Variants in ZNF423 observed in about 807,000 individuals in gnomAD.
ZNF423 encodes zinc finger protein 423.
In ZNF423, 12 loss-of-function variants were observed where a neutral mutation model predicts 95.8. The observed-to-expected ratio is 0.13, with a 90% CI of 0.08 to 0.20. The LOEUF (loss-of-function observed/expected upper bound fraction) is 0.20, where lower values mean the gene tolerates loss of function less well. Ranked by LOEUF, ZNF423 falls within the 10% of genes least tolerant of loss-of-function variation. The pLI is 1.00. For missense variants in ZNF423, 1,316 were observed against 1,737.1 expected (o/e 0.76, Z 4.31); for synonymous variants, 749 against 711.9 (o/e 1.05, Z -0.83).
At chr16:49,678,213 G>C (rs2031201298) in intron 3 of ZNF423, among the ~76,000 whole-genome samples, 1 of 151,332 alleles carries the variant, frequency 6.6e-6, no homozygotes, top group African/African-American at 2.5e-5. Context: ...CATTTTATTT[G>C]AATGTATGTG....
rs532637492 is a variant in ZNF423, at chr16:49,813,222, T to G, written c.41-23676A>C. Reference sequence around the variant, plus strand: ...ACCCTGGTGCCCTACAGGTCTACCTTGGTGACTCCAACCCCACAGCCCAGA... The same window carrying G: ...ACCCTGGTGCCCTACAGGTCTACCTGGGTGACTCCAACCCCACAGCCCAGA... On this transcript the variant is annotated intron_variant, in intron 1 of 7. Coordinates refer to ENST00000563137, the MANE Select transcript of ZNF423 (RefSeq NM_001379286.1). Among the ~76,000 whole-genome samples the G allele has an allele frequency of 8.6e-5, 13 of 152,000 alleles. No homozygotes were observed. In the South Asian group the frequency reaches 2.5e-3, roughly 29 times the overall value.
At chr16:49,706,656 T>C (rs1165474732) in intron 3 of ZNF423, among the ~76,000 whole-genome samples, 1 of 152,180 alleles carries the variant, frequency 6.6e-6, no homozygotes, top group Non-Finnish European at 1.5e-5. Context: ...CATCCATTCA[T>C]AAAAAATACA....
chr16:49,692,224 G>A (rs2031811401), intron 3 of ZNF423, among the ~76,000 whole-genome samples: 1 of 151,994 alleles, frequency 6.6e-6, no homozygotes, highest in Admixed American at 6.6e-5. Flanking sequence ...CAAAGTGCTG[G>A]GATGACAGGG....
chr16:49,626,505 C>T (rs999605746), intron 4 of ZNF423, among the ~76,000 whole-genome samples: 1 of 152,024 alleles, frequency 6.6e-6, no homozygotes, highest in Non-Finnish European at 1.5e-5. Context: ...CAAGGTGAAG[C>T]TTTAAGGGAG....
intron 7 of ZNF423, among the ~76,000 whole-genome samples, chr16:49,496,335 G>A (rs1446601161): frequency 6.6e-6 from 1 of 152,198 alleles, no homozygotes; most frequent in African/African-American, 2.4e-5. Context: ...AGTGTTGGAG[G>A]TGGGGCCTAG....
intron 5 of ZNF423, among the ~76,000 whole-genome samples, chr16:49,552,881 G>T (rs1207353482): frequency 6.6e-6 from 1 of 151,922 alleles, no homozygotes; most frequent in Non-Finnish European, 1.5e-5. Context: ...TCCAGGAGGG[G>T]ATGGGGATGC....
At chr16:49,545,958 C>T (rs1290044375) in intron 5 of ZNF423, among the ~76,000 whole-genome samples, 1 of 152,196 alleles carries the variant, frequency 6.6e-6, no homozygotes, top group African/African-American at 2.4e-5. Context: ...CTCTTAACCC[C>T]AGGGCTGTGC....
chr16:49,830,833 A>T (rs1378385330), intron 1 of ZNF423, among the ~76,000 whole-genome samples: 1 of 151,954 alleles, frequency 6.6e-6, no homozygotes, highest in Non-Finnish European at 1.5e-5. Flanking sequence ...ACTCCTCCAC[A>T]CTTCTCATCC....
At chr16:49,681,599 G>A (rs1182125628) in intron 3 of ZNF423, among the ~76,000 whole-genome samples, 1 of 152,184 alleles carries the variant, frequency 6.6e-6, no homozygotes, top group South Asian at 2.1e-4. Flanking sequence ...GTTTCACCAC[G>A]ATATCAGGGA....
At chr16:49,495,439 C>T (rs1036490994) in intron 7 of ZNF423, among the ~76,000 whole-genome samples, 4 of 152,066 alleles carry the variant, frequency 2.6e-5, no homozygotes, top group Admixed American at 1.3e-4. Flanking sequence ...CTGTGCAAAT[C>T]GTCAGCAGAG....
At chr16:49,796,409 C>T (rs1169422277) in intron 1 of ZNF423, among the ~76,000 whole-genome samples, 1 of 152,230 alleles carries the variant, frequency 6.6e-6, no homozygotes, top group Non-Finnish European at 1.5e-5. Context: ...GGCTCCCCAA[C>T]ACCTCACAGA....
intron 3 of ZNF423, among the ~76,000 whole-genome samples, chr16:49,708,723 C>T (rs1352032638): frequency 6.6e-6 from 1 of 152,190 alleles, no homozygotes; most frequent in Non-Finnish European, 1.5e-5. Context: ...GTACCTTCCC[C>T]TAGAAGCACT....
intron 3 of ZNF423, among the ~76,000 whole-genome samples, chr16:49,647,710 A>G (rs1159777861): frequency 6.6e-6 from 1 of 152,252 alleles, no homozygotes. Context: ...AGCATCCAGA[A>G]AGGAATGCGG....
At chr16:49,834,846 A>G (rs1208069858) in intron 1 of ZNF423, among the ~76,000 whole-genome samples, 1 of 151,838 alleles carries the variant, frequency 6.6e-6, no homozygotes, top group Non-Finnish European at 1.5e-5. Flanking sequence ...TCCCCCAGCA[A>G]CAGGGGACTA....
At chr16:49,514,824 C>T (rs1968067069) in intron 7 of ZNF423, among the ~76,000 whole-genome samples, 1 of 152,194 alleles carries the variant, frequency 6.6e-6, no homozygotes, top group South Asian at 2.1e-4. Context: ...AGTCAAGATT[C>T]CAGGGCGTGG....
rs747843197 is a variant in ZNF423, at chr16:49,638,270, G to T, written c.906C>A (p.Asp302Glu). ...CCTCAGGGCAGTGAATGCACTGCAG[G>T]TCCGCCTTCTCGGACAGCTGCGGGT... ...TRHPQLSEKA[D>E]LQCIHCPEVF... is the part of the protein sequence containing the mutation. The change falls in exon 4 of 8, where the codon GAC (aspartate) becomes GAA (glutamate). Residue 302 changes from aspartate to glutamate, a missense_variant. Around this residue, in one of 6 missense-constraint regions of ZNF423, gnomAD observed 399 missense variants for 478.5 expected, o/e 0.83. Transcript: ENST00000563137. This position sits in a 1 kb window ranked among gnomAD's most constrained non-coding sequence, Gnocchi z 5.6. 6.2e-7 allele frequency: 1 copy of T among 1,613,062 alleles called. No individual in the cohort carries two copies. The highest frequency in any genetic ancestry group is 1.1e-5 in the South Asian group (1 of 91,090).
intron 3 of ZNF423, among the ~76,000 whole-genome samples, chr16:49,723,682 T>A (rs151001652): frequency 6.6e-6 from 1 of 152,358 alleles, no homozygotes; most frequent in East Asian, 1.9e-4. Flanking sequence ...TTTCTTTTAG[T>A]ATTTTAAAGT....
intron 1 of ZNF423, among the ~76,000 whole-genome samples, chr16:49,802,181 C>T (rs570170164): frequency 4.6e-5 from 7 of 152,238 alleles, no homozygotes; most frequent in South Asian, 4.2e-4. Context: ...GATTTTACTT[C>T]GGCCTCCAAC....
At chr16:49,556,813 T>A (rs1056497152) in intron 5 of ZNF423, among the ~76,000 whole-genome samples, 3 of 152,268 alleles carry the variant, frequency 2.0e-5, no homozygotes, top group African/African-American at 7.2e-5. Flanking sequence ...ACATTTAAAC[T>A]ACTGTGCTTT....
Sources: gnomAD v4.1 joint callset for allele counts (sites outside exome capture counted in the v4.1 genomes callset) on GRCh38, gnomAD v4.1.1 for gene constraint, gnomAD v4.1.1 regional missense constraint, Gnocchi (gnomAD v3.1) non-coding constraint, MANE v1.5 for transcripts, NCBI Gene and HGNC (gene_info 2026-07-23, HGNC 2026-07-21) for gene names.